ASCC3: variants seen among roughly 807,000 people sequenced by gnomAD.
ASCC3 encodes the protein ASC-1 complex subunit P200.
A neutral mutation model predicts 256.3 loss-of-function variants in ASCC3; 158 were observed. The observed-to-expected ratio is 0.62, with a 90% confidence interval of 0.54 to 0.70. The LOEUF (loss-of-function observed/expected upper bound fraction) is 0.70. Among genes scored for constraint, ASCC3 ranks in the 30% least tolerant of loss-of-function variants. ASCC3 has a pLI of 0.00. For synonymous variants in ASCC3, 948 were observed against 883.4 expected (o/e 1.07, Z -1.30); for missense variants, 2,259 against 2,626.0 (o/e 0.86, Z 3.05).
chr6:100,530,043 A>G (rs1399367761), intron 37 of ASCC3, among the ~76,000 whole-genome samples: 3 of 151,864 alleles, frequency 2.0e-5, no homozygotes, highest in Non-Finnish European at 4.4e-5. Flanking sequence ...AGTTCTCCAA[A>G]TATTCTGGTA....
chr6:100,544,033 C>T (rs1427324570), intron 36 of ASCC3, among the ~76,000 whole-genome samples: 1 of 151,894 alleles, frequency 6.6e-6, no homozygotes, highest in Non-Finnish European at 1.5e-5. Context: ...TCTGGAAAAT[C>T]CCAAATATTT....
chr6:100,859,052 A>C, intron 3 of ASCC3: 1 of 759,334 alleles, frequency 1.3e-6, no homozygotes. Flanking sequence ...AAATTCCTTT[A>C]ATAGTCAAAT....
At chr6:100,686,519 T>A (rs543579382) in intron 13 of ASCC3, among the ~76,000 whole-genome samples, 19 of 152,310 alleles carry the variant, frequency 1.2e-4, no homozygotes, top group African/African-American at 4.6e-4. Flanking sequence ...AACCATATTA[T>A]CTTGAAGATC....
chr6:100,596,165 C>T (rs1206177463), intron 34 of ASCC3, among the ~76,000 whole-genome samples: 2 of 151,882 alleles, frequency 1.3e-5, no homozygotes, highest in Non-Finnish European at 2.9e-5. Context: ...CCTTTTATTG[C>T]TTATTTCTGG....
chr6:100,622,366 G>A (rs1045494243), intron 30 of ASCC3, among the ~76,000 whole-genome samples: 1 of 151,986 alleles, frequency 6.6e-6, no homozygotes, highest in East Asian at 1.9e-4. Flanking sequence ...GTTTTATACC[G>A]GGCTCTTCCC....
chr6:100,834,043 G>A (rs541261685), intron 4 of ASCC3, among the ~76,000 whole-genome samples: 2 of 152,308 alleles, frequency 1.3e-5, no homozygotes, highest in South Asian at 4.1e-4. Context: ...CCCAGCCTGG[G>A]TGACAGTGTG....
chr6:100,652,425 T>C (rs1273603240), intron 18 of ASCC3, among the ~76,000 whole-genome samples: 3 of 152,166 alleles, frequency 2.0e-5, no homozygotes, highest in Non-Finnish European at 4.4e-5. Flanking sequence ...GGGGGAAAGT[T>C]AGTAAGCACA....
At chr6:100,528,960 C>A (rs1774730123) in intron 37 of ASCC3, among the ~76,000 whole-genome samples, 1 of 152,134 alleles carries the variant, frequency 6.6e-6, no homozygotes, top group Non-Finnish European at 1.5e-5. Flanking sequence ...TATCTTGAGG[C>A]AAGGAACCTC....
At chr6:100,733,404 T>C (rs1780000801) in intron 10 of ASCC3, among the ~76,000 whole-genome samples, 1 of 151,992 alleles carries the variant, frequency 6.6e-6, no homozygotes, top group African/African-American at 2.4e-5. Context: ...CCTTTGGGGG[T>C]GAGTGGATTT....
intron 37 of ASCC3, among the ~76,000 whole-genome samples, chr6:100,533,194 T>G (rs1423329659): frequency 6.6e-6 from 1 of 152,102 alleles, no homozygotes; most frequent in Non-Finnish European, 1.5e-5. Context: ...ATTTTATATA[T>G]TTTTCTTTTT....
rs1774199477 is a variant in ASCC3, at chr6:100,519,520, ATGAATGCTACTCAT to A, written c.5776-1392_5776-1379del. On this transcript the variant is annotated intron_variant, in intron 37 of 41. Coordinates refer to ENST00000369162, the MANE Select transcript of ASCC3 (RefSeq NM_006828.4). ...GAAGTATATGAGACAACAGGTCATGATGAATGCTACTCATAGACAAAAAAGAGTAGTTCACAAGT... is the reference window on the plus strand; with the variant it reads ...GAAGTATATGAGACAACAGGTCATGAAGACAAAAAAGAGTAGTTCACAAGT... 3.9e-5 allele frequency among the ~76,000 whole-genome samples: 6 copies of A among 152,252 alleles called. No homozygotes were observed. The South Asian group carries it at 1.2e-3, about 32-fold the overall frequency.
intron 3 of ASCC3, among the ~76,000 whole-genome samples, chr6:100,850,098 C>CAAAAAAAAAAA (rs61582863): frequency 8.7e-5 from 7 of 80,610 alleles, no homozygotes; most frequent in Admixed American, 1.7e-4. Flanking sequence ...GAGACTCTAT[C>CAAAAAAAAAAA]AAAAAAAAAA....
chr6:100,631,024 T>A, intron 26 of ASCC3, 104 bp downstream of exon 26: 1 of 808,968 alleles, frequency 1.2e-6, no homozygotes, highest in South Asian at 1.6e-5. Context: ...AATAAAAGAC[T>A]ATGAAAATCA....
In ASCC3 at chr6:100,509,168, C is replaced by A; in HGVS notation, c.*218G>T. ...CTTTTTCATCTTACATATCAAGAAACTCATAAAGATAACATTATAAAAGGC... is the reference window on the plus strand; with the variant it reads ...CTTTTTCATCTTACATATCAAGAAAATCATAAAGATAACATTATAAAAGGC... On this transcript the variant is annotated 3_prime_UTR_variant, in exon 42 of 42. Coordinates refer to ENST00000369162, the MANE Select transcript of ASCC3 (RefSeq NM_006828.4). 1 of 576,200 alleles carries A rather than the reference C, an allele frequency of 1.7e-6. No homozygotes were observed. The highest frequency in any genetic ancestry group is 2.0e-5 in the South Asian group (1 of 50,356). The allele number at this position is 576,200 out of a possible 1,614,324, so 35.7% of individuals were successfully genotyped here. A position where few individuals can be genotyped will look rare whatever the true frequency, so the allele number is the denominator to read the frequency against.
chr6:100,784,313 A>G (rs907110213), intron 8 of ASCC3, among the ~76,000 whole-genome samples: 1 of 147,822 alleles, frequency 6.8e-6, no homozygotes, highest in Admixed American at 6.6e-5. Flanking sequence ...TAATGTTTAT[A>G]TCTTCAAATA....
chr6:100,765,067 A>G (rs1781589147), intron 10 of ASCC3, among the ~76,000 whole-genome samples: 1 of 152,160 alleles, frequency 6.6e-6, no homozygotes, highest in African/African-American at 2.4e-5. Context: ...AAACCAAAGA[A>G]TGCCAAAAAT....
chr6:100,804,807 C>T (rs549496156), intron 5 of ASCC3, among the ~76,000 whole-genome samples: 55 of 152,160 alleles, frequency 3.6e-4, no homozygotes, highest in Admixed American at 2.6e-3. Context: ...TTGGTGGGAA[C>T]GTAAATTAGT....
intron 4 of ASCC3, among the ~76,000 whole-genome samples, chr6:100,813,681 T>C (rs1158288987): frequency 6.6e-6 from 1 of 151,888 alleles, no homozygotes; most frequent in African/African-American, 2.4e-5. Flanking sequence ...CATATACTAA[T>C]TGAAACTGAA....
chr6:100,731,407 TTAAC>T (rs1779897728), intron 10 of ASCC3, among the ~76,000 whole-genome samples: 2 of 152,326 alleles, frequency 1.3e-5, no homozygotes, highest in South Asian at 2.1e-4. Context: ...CCCTGAAACC[TTAAC>T]TAATTACATA....
Sources: gnomAD v4.1 joint callset for allele counts (sites outside exome capture counted in the v4.1 genomes callset) on GRCh38, gnomAD v4.1.1 for gene constraint, MANE v1.5 for transcripts, NCBI Gene and HGNC (gene_info 2026-07-23, HGNC 2026-07-21) for gene names.